The following KCNQ1OT1 variants were observed in gnomAD, a reference collection of about 807,000 sequenced individuals.
KCNQ1OT1 encodes the protein KCNQ1 opposite strand/antisense transcript 1.
At chr11:2,639,398 T>A (rs1849532827) in exon 1 of KCNQ1OT1, 1 of 152,346 alleles carries the variant, frequency 6.6e-6, no homozygotes, top group South Asian at 2.1e-4. Context: ...TTGGTGTGGA[T>A]GTCCTTTCTG....
chr11:2,683,855 A>C lies in KCNQ1OT1; in HGVS notation n.16140T>G, dbSNP rs1206749834. ...GTTGGATTCCCCTCCCTGGCCCCAC[A>C]CTCACTGCTACATCTCTCTTCCAAA... On this transcript the variant is annotated non_coding_transcript_exon_variant, in exon 1 of 1. Coordinates refer to ENST00000597346, the Ensembl canonical transcript of KCNQ1OT1. This position sits in a 1 kb window ranked among gnomAD's most constrained non-coding sequence, Gnocchi z 4.7. 2.5e-6 allele frequency: 1 copy of C among 398,110 alleles called. No individual in the cohort carries two copies. The highest frequency in any genetic ancestry group is 4.4e-6 in the Non-Finnish European group (1 of 226,014). The allele number at this position is 398,110 out of a possible 1,614,324, so 24.7% of individuals were successfully genotyped here.
Position 2,654,497 on chromosome 11 carries a change from A to G in KCNQ1OT1, n.45498T>C. On this transcript the variant is annotated non_coding_transcript_exon_variant, in exon 1 of 1. Transcript: ENST00000597346. This position sits in a 1 kb window ranked among gnomAD's most constrained non-coding sequence, Gnocchi z 6.4. ...CCTGCAGCCGTACAGGGGAGGGGGC[A>G]ATCTCCGGAGCCCTGGAAAGCTTGT... 2.5e-6 allele frequency: 1 copy of G among 398,722 alleles called. No individual in the cohort carries two copies. Among genetic ancestry groups the G allele is most frequent in the East Asian group, 3.6e-5 (1 of 28,070 alleles). 24.7% of individuals were successfully genotyped at this position (398,722 alleles called of 1,614,324 possible).
chr11:2,653,241 C>T lies in KCNQ1OT1; in HGVS notation n.46754G>A, dbSNP rs1849785084. On this transcript the variant is annotated non_coding_transcript_exon_variant, in exon 1 of 1. Coordinates refer to ENST00000597346, the Ensembl canonical transcript of KCNQ1OT1. This position sits in a 1 kb window ranked among gnomAD's most constrained non-coding sequence, Gnocchi z 5.3. Reference sequence around the variant, plus strand: ...CTTGGCCTCAGGCCAGCTTCTTTCCCACAAGCCTTCTCCCTGCCCTCTGCC... The same window carrying T: ...CTTGGCCTCAGGCCAGCTTCTTTCCTACAAGCCTTCTCCCTGCCCTCTGCC... 2.5e-6 allele frequency: 1 copy of T among 398,776 alleles called. No individual in the cohort carries two copies. Among genetic ancestry groups the T allele is most frequent in the Non-Finnish European group, 4.4e-6 (1 of 226,136 alleles). 24.7% of individuals were successfully genotyped at this position (398,776 alleles called of 1,614,324 possible).
chr11:2,696,852 A>G (rs1850684837), exon 1 of KCNQ1OT1: 1 of 398,480 alleles, frequency 2.5e-6, no homozygotes, highest in Non-Finnish European at 4.4e-6. Context: ...TTTTTTAGTC[A>G]GTTGCTATTG....
chr11:2,661,256 T>C lies in KCNQ1OT1; in HGVS notation n.38739A>G. 2.5e-6 allele frequency: 1 copy of C among 399,142 alleles called. No individual in the cohort carries two copies. The highest frequency in any genetic ancestry group is 4.4e-6 in the Non-Finnish European group (1 of 226,530). The allele number at this position is 399,142 out of a possible 1,614,324, so 24.7% of individuals were successfully genotyped here. Reference sequence around the variant, plus strand: ...CTTAATCCTTTTGCAATAAAATATTTAAATGAAGACAAATATAAGCCAAGA... The same window carrying C: ...CTTAATCCTTTTGCAATAAAATATTCAAATGAAGACAAATATAAGCCAAGA... On this transcript the variant is annotated non_coding_transcript_exon_variant, in exon 1 of 1. Transcript: ENST00000597346. This position sits in a 1 kb window ranked among gnomAD's most constrained non-coding sequence, Gnocchi z 5.9.
chr11:2,640,454 T>G, exon 1 of KCNQ1OT1: 1 of 398,502 alleles, frequency 2.5e-6, no homozygotes, highest in East Asian at 3.6e-5. Flanking sequence ...CCTGGATAAC[T>G]TCTTAATTTT....
At chr11:2,628,909 A>C (rs1332206514) in exon 1 of KCNQ1OT1, 1 of 398,266 alleles carries the variant, frequency 2.5e-6, no homozygotes, top group Non-Finnish European at 4.4e-6. Flanking sequence ...GTCTTTGTCA[A>C]AGATTAGTTG....
At position 2,652,798 on chromosome 11, in the gene KCNQ1OT1, C is replaced by G. The variant is rs773951774; in HGVS notation, n.47197G>C. On this transcript the variant is annotated non_coding_transcript_exon_variant, in exon 1 of 1. Coordinates refer to ENST00000597346, the Ensembl canonical transcript of KCNQ1OT1. The surrounding 1 kb of genome is among the most constrained non-coding windows in gnomAD (Gnocchi z 5.9). ...GCGCCCCCGCTACTCAGACCCCACC[C>G]TTGGGCCTGCAGAGACATTTCCGTT... 39 of 398,966 alleles carry G rather than the reference C, an allele frequency of 9.8e-5. No individual in the cohort carries two copies. Among genetic ancestry groups the G allele is most frequent in the Non-Finnish European group, 1.3e-4 (30 of 226,470 alleles). The allele number at this position is 398,966 out of a possible 1,614,324, so 24.7% of individuals were successfully genotyped here.
chr11:2,697,795 C>G (rs1850704110), exon 1 of KCNQ1OT1: 1 of 398,502 alleles, frequency 2.5e-6, no homozygotes, highest in Non-Finnish European at 4.4e-6. Context: ...ACTTCTGCAT[C>G]TACATTCATA....
At chr11:2,675,765 C>A in exon 1 of KCNQ1OT1, 4 of 398,724 alleles carry the variant, frequency 1.0e-5, no homozygotes, top group Non-Finnish European at 1.8e-5. Context: ...ACTCACAGCA[C>A]TGTGTGCGGG....
rs1849014531 is a variant in KCNQ1OT1, at chr11:2,613,542, C to T, written n.86453G>A. 2.5e-6 allele frequency: 1 copy of T among 398,398 alleles called. No homozygotes were observed. The highest frequency in any genetic ancestry group is 4.4e-6 in the Non-Finnish European group (1 of 226,034). The allele number at this position is 398,398 out of a possible 1,614,324, so 24.7% of individuals were successfully genotyped here. A position where few individuals can be genotyped will look rare whatever the true frequency, so the allele number is the denominator to read the frequency against. On this transcript the variant is annotated non_coding_transcript_exon_variant, in exon 1 of 1. Coordinates refer to ENST00000597346, the Ensembl canonical transcript of KCNQ1OT1. The surrounding 1 kb of genome is among the most constrained non-coding windows in gnomAD (Gnocchi z 4.8). ...ATGGCAGCCCCACGTTAAATCATAA[C>T]CCTGCTATTCTTAGGAAGGCTTAAT...
At chr11:2,650,639 C>T (rs370469940) in exon 1 of KCNQ1OT1, 7 of 398,672 alleles carry the variant, frequency 1.8e-5, no homozygotes, top group African/African-American at 1.2e-4. Context: ...ATGTTGCTAA[C>T]TACCTTCAAA....
chr11:2,655,951 G>A (rs1006919672), exon 1 of KCNQ1OT1: 54 of 398,578 alleles, frequency 1.4e-4, no homozygotes, highest in African/African-American at 2.3e-4. Context: ...CTCTCTGGCA[G>A]GTGCAGGTCC....
rs1167505141 is a variant in KCNQ1OT1 at position 2,610,716 on chromosome 11, C to CTTTTTTTTTT, written n.89269_89278dup. Reference sequence around the variant, plus strand: ...TTCTGGACACAGTATTCTTGGTTGGCTTTTTTTTTTTTTTTTTTTTTTTTT... The same window carrying CTTTTTTTTTT: ...TTCTGGACACAGTATTCTTGGTTGGCTTTTTTTTTTTTTTTTTTTTTTTTTTTTTTTTTTT... On this transcript the variant is annotated non_coding_transcript_exon_variant, in exon 1 of 1. Transcript: ENST00000597346. The CTTTTTTTTTT allele has an allele frequency of 8.3e-4, 190 of 229,956 alleles. 7 individuals are homozygous for CTTTTTTTTTT. The highest frequency in any genetic ancestry group is 5.0e-3 in the East Asian group (82 of 16,470). The allele number at this position is 229,956 out of a possible 1,614,324, so 14.2% of individuals were successfully genotyped here.
At chr11:2,616,811 T>C (rs984138858) in exon 1 of KCNQ1OT1, 1 of 398,182 alleles carries the variant, frequency 2.5e-6, no homozygotes, top group African/African-American at 2.1e-5. Flanking sequence ...TAACATATCA[T>C]CCCTCCTAGG....
rs145928793 is a variant in KCNQ1OT1 at position 2,672,080 on chromosome 11, C to A, written n.27915G>T. The A allele has an allele frequency of 2.3e-5, 9 of 398,744 alleles. No individual in the cohort carries two copies. The East Asian group carries it at 3.2e-4, about 14-fold the overall frequency. 24.7% of individuals were successfully genotyped at this position (398,744 alleles called of 1,614,324 possible). The stretch of plus-strand genomic sequence containing the variant: ...ATCCTCCCCTGGTCCCTGGTCTGGA[C>A]TGAGCAGCTGTCTTCTGCCCACAGG... On this transcript the variant is annotated non_coding_transcript_exon_variant, in exon 1 of 1. Transcript: ENST00000597346.
chr11:2,693,309 G>A (rs1257652491), exon 1 of KCNQ1OT1: 8 of 398,658 alleles, frequency 2.0e-5, no homozygotes, highest in African/African-American at 4.1e-5. Flanking sequence ...AGCACCCACA[G>A]GCCTGGGCCC....
At position 2,693,914 on chromosome 11, in the gene KCNQ1OT1, AACCTGGATCCGGTATCCG is replaced by A. The variant is rs1850630785; in HGVS notation, n.6063_6080del. 1.3e-5 allele frequency: 5 copies of A among 398,756 alleles called. No homozygotes were observed. The South Asian group carries it at 6.4e-4, about 51-fold the overall frequency. The allele number at this position is 398,756 out of a possible 1,614,324, so 24.7% of individuals were successfully genotyped here. On this transcript the variant is annotated non_coding_transcript_exon_variant, in exon 1 of 1. Coordinates refer to ENST00000597346, the Ensembl canonical transcript of KCNQ1OT1. ...CGTCCTCCTCCTGGAGTGTACTGCA[AACCTGGATCCGGTATCCG>A]CTGAGAACCACTCATTCATCAGTCT...
chr11:2,620,911 A>T lies in KCNQ1OT1; in HGVS notation n.79084T>A, dbSNP rs1589986222. The T allele has an allele frequency of 7.6e-6, 3 of 394,490 alleles. No homozygotes were observed. In the East Asian group the frequency reaches 1.1e-4, roughly 14 times the overall value. 24.4% of individuals were successfully genotyped at this position (394,490 alleles called of 1,614,324 possible). On this transcript the variant is annotated non_coding_transcript_exon_variant, in exon 1 of 1. Coordinates refer to ENST00000597346, the Ensembl canonical transcript of KCNQ1OT1. The surrounding 1 kb of genome is among the most constrained non-coding windows in gnomAD (Gnocchi z 4.5). ...GACTGGTGTGAGATGGCATCCCATT[A>T]TGGTTTGGTGTTTTTTTGTTGTTGT...
Sources: allele counts gnomAD v4.1 joint callset, GRCh38; gene constraint gnomAD v4.1.1; non-coding constraint Gnocchi (gnomAD v3.1); transcripts MANE v1.5; gene names NCBI Gene and HGNC (gene_info 2026-07-23, HGNC 2026-07-21).